BPGM: variants seen among roughly 807,000 people sequenced by gnomAD.
BPGM encodes the protein 2,3-bisphosphoglycerate mutase, erythrocyte.
A neutral mutation model predicts 21.6 loss-of-function variants in BPGM; 15 were observed. The ratio of observed to expected loss-of-function variants is 0.70; its 90% confidence interval spans 0.47 to 1.07. BPGM has a LOEUF of 1.07. Among genes scored for constraint, BPGM ranks in the 50% least tolerant of loss-of-function variants. The pLI, the probability that BPGM is intolerant of heterozygous loss-of-function variation, is 0.00. For missense variants in BPGM, 273 were observed against 319.0 expected (o/e 0.86, Z 1.10); for synonymous variants, 113 against 116.2 (o/e 0.97, Z 0.18).
chr7:134,661,281 A>ATATCTATAG lies in BPGM; in HGVS notation c.-61-165_-61-157dup, dbSNP rs2131430899. Among the ~76,000 whole-genome samples, 1 of 152,364 alleles carries ATATCTATAG rather than the reference A, an allele frequency of 6.6e-6. No homozygotes were observed. The highest frequency in any genetic ancestry group is 2.4e-5 in the African/African-American group (1 of 41,588). Reference sequence around the variant, plus strand: ...CTAGATTCCCTGTAATGAATTATTAATATCTATAGAATATGCCTGTATGTG... The same window carrying ATATCTATAG: ...CTAGATTCCCTGTAATGAATTATTAATATCTATAGTATCTATAGAATATGCCTGTATGTG... On this transcript the variant is annotated intron_variant, in intron 1 of 2. Coordinates refer to ENST00000344924, the MANE Select transcript of BPGM (RefSeq NM_001724.5). This position sits in a 1 kb window ranked among gnomAD's most constrained non-coding sequence, Gnocchi z 4.6.
In BPGM at chr7:134,661,873, C is replaced by T. The variant is rs1398404691; in HGVS notation, c.366C>T (p.Thr122=). The change falls in exon 2 of 3, where the codon ACC becomes ACT. Residue 122 remains threonine (T), a synonymous_variant. Coordinates refer to ENST00000344924, the MANE Select transcript of BPGM (RefSeq NM_001724.5). The surrounding 1 kb of genome is among the most constrained non-coding windows in gnomAD (Gnocchi z 4.6). ...VRLWRRSYNV[T]PPPIEESHPY... ...TCTGGAGAAGAAGCTACAATGTAAC[C>T]CCGCCTCCCATTGAGGAGTCTCATC... 3 of 1,607,818 alleles carry T rather than the reference C, an allele frequency of 1.9e-6. No individual in the cohort carries two copies. Among genetic ancestry groups the T allele is most frequent in the South Asian group, 2.2e-5 (2 of 90,534 alleles).
At chr7:134,670,117 A>G (rs539869137) in intron 2 of BPGM, among the ~76,000 whole-genome samples, 34 of 152,296 alleles carry the variant, frequency 2.2e-4, no homozygotes, top group Middle Eastern at 6.8e-3. Context: ...TTGCCAGAGG[A>G]AATGGATTGT....
intron 1 of BPGM, among the ~76,000 whole-genome samples, chr7:134,648,285 G>A (rs1016155485): frequency 2.0e-5 from 3 of 150,844 alleles, no homozygotes; most frequent in African/African-American, 4.9e-5. Context: ...ACAGGCATGC[G>A]CCCCCACGCC....
chr7:134,662,262 G>C (rs573228344), intron 2 of BPGM, among the ~76,000 whole-genome samples, 154 bp downstream of exon 2: 1 of 152,314 alleles, frequency 6.6e-6, no homozygotes, highest in East Asian at 1.9e-4. Context: ...CTATAAATCA[G>C]ATCTCTTGTG....
intron 1 of BPGM, among the ~76,000 whole-genome samples, chr7:134,654,082 C>T (rs1235381066): frequency 2.0e-5 from 3 of 152,084 alleles, no homozygotes; most frequent in African/African-American, 7.2e-5. Context: ...CTCTCTTTTA[C>T]TAATGAAGTG....
At chr7:134,677,247 T>C (rs1795996172) in intron 2 of BPGM, among the ~76,000 whole-genome samples, 1 of 151,524 alleles carries the variant, frequency 6.6e-6, no homozygotes, top group African/African-American at 2.4e-5. Flanking sequence ...AGAGTGTGTG[T>C]TTCTTTTCTT....
chr7:134,652,092 C>T (rs1795565120), intron 1 of BPGM, among the ~76,000 whole-genome samples: 1 of 152,150 alleles, frequency 6.6e-6, no homozygotes, highest in African/African-American at 2.4e-5. Flanking sequence ...TAAATGTCTT[C>T]AGTATTGCCT....
At chr7:134,658,691 G>A (rs1375490513) in intron 1 of BPGM, 30 of 152,272 alleles carry the variant, frequency 2.0e-4, no homozygotes, top group Admixed American at 2.0e-3. Context: ...CAGTTAAGTG[G>A]GAAAAGTCCG....
chr7:134,646,888 C>T lies in BPGM; in HGVS notation c.-111C>T, dbSNP rs982084617. On this transcript the variant is annotated 5_prime_UTR_variant, in exon 1 of 3. Transcript: ENST00000344924. ...AGGAGGCGCTGGCTCTTTGGCGGCT[C>T]GGAGGAGCGGCTGCTGCTGCTGCTG... 2.1e-5 allele frequency: 4 copies of T among 187,072 alleles called. No individual in the cohort carries two copies. Among genetic ancestry groups the T allele is most frequent in the Non-Finnish European group, 4.6e-5 (4 of 87,546 alleles). The allele number at this position is 187,072 out of a possible 1,614,324, so 11.6% of individuals were successfully genotyped here.
intron 2 of BPGM, among the ~76,000 whole-genome samples, chr7:134,664,589 G>A (rs1313262054): frequency 2.6e-5 from 4 of 152,106 alleles, no homozygotes; most frequent in Non-Finnish European, 5.9e-5. Context: ...GGGGATCACA[G>A]TTCAAACCAT....
chr7:134,673,237 CTGAT>C (rs1321254346), intron 2 of BPGM, among the ~76,000 whole-genome samples: 2 of 152,012 alleles, frequency 1.3e-5, no homozygotes, highest in Non-Finnish European at 2.9e-5. Context: ...GTCTCATTGA[CTGAT>C]TATTAACCAG....
intron 1 of BPGM, among the ~76,000 whole-genome samples, chr7:134,653,760 C>A (rs1795592099): frequency 6.6e-6 from 1 of 152,180 alleles, no homozygotes; most frequent in Admixed American, 6.5e-5. Flanking sequence ...CCTAACTACC[C>A]TCTCTGTCTT....
chr7:134,654,101 T>C (rs1181953175), intron 1 of BPGM, among the ~76,000 whole-genome samples: 1 of 151,206 alleles, frequency 6.6e-6, no homozygotes, highest in Non-Finnish European at 1.5e-5. Context: ...TGCTTTCTCA[T>C]GGTGTGAATT....
intron 1 of BPGM, among the ~76,000 whole-genome samples, chr7:134,650,100 T>A (rs540994619): frequency 3.0e-4 from 45 of 152,334 alleles, no homozygotes; most frequent in Non-Finnish European, 6.3e-4. Context: ...TAAGATCACA[T>A]TGTCAGTCAG....
At chr7:134,656,670 A>G (rs967444743) in intron 1 of BPGM, among the ~76,000 whole-genome samples, 4 of 152,202 alleles carry the variant, frequency 2.6e-5, no homozygotes, top group African/African-American at 9.6e-5. Flanking sequence ...TAAGAACAGC[A>G]TGAGGGTAAC....
At chr7:134,675,910 T>C (rs1020412210) in intron 2 of BPGM, among the ~76,000 whole-genome samples, 1 of 152,214 alleles carries the variant, frequency 6.6e-6, no homozygotes, top group Admixed American at 6.5e-5. Flanking sequence ...AGTCAGAGTA[T>C]AGTTTTGTAC....
intron 1 of BPGM, among the ~76,000 whole-genome samples, chr7:134,657,552 T>C (rs1273631477): frequency 6.6e-6 from 1 of 152,086 alleles, no homozygotes; most frequent in Non-Finnish European, 1.5e-5. Flanking sequence ...CCTAGGATGG[T>C]GGGGGAGGGG....
intron 1 of BPGM, among the ~76,000 whole-genome samples, chr7:134,647,952 C>T (rs1795487493): frequency 6.6e-6 from 1 of 151,862 alleles, no homozygotes; most frequent in Admixed American, 6.6e-5. Flanking sequence ...CATAGGCCAC[C>T]ACGCCTGGCT....
intron 2 of BPGM, among the ~76,000 whole-genome samples, chr7:134,663,759 A>G (rs936833675): frequency 4.6e-5 from 7 of 152,162 alleles, no homozygotes; most frequent in Non-Finnish European, 7.3e-5. Flanking sequence ...CCCTTTTAAA[A>G]AAGTTTCCTA....
Sources: gnomAD v4.1 joint callset for allele counts (sites outside exome capture counted in the v4.1 genomes callset) on GRCh38, gnomAD v4.1.1 for gene constraint, Gnocchi (gnomAD v3.1) non-coding constraint, MANE v1.5 for transcripts, NCBI Gene and HGNC (gene_info 2026-07-23, HGNC 2026-07-21) for gene names.